GAS2L3: variants seen among roughly 807,000 people sequenced by gnomAD.
The protein encoded by GAS2L3 is GAS2-like protein 3.
Under a neutral mutation model 37.0 loss-of-function variants are expected in GAS2L3, and 28 were observed. That is an observed-to-expected ratio of 0.76 (90% CI 0.56 to 1.04). The LOEUF (loss-of-function observed/expected upper bound fraction) is 1.04, where lower values mean the gene tolerates loss of function less well. Ranked by LOEUF, GAS2L3 falls within the 50% of genes least tolerant of loss-of-function variation. The probability of loss-of-function intolerance (pLI) is 0.00; values close to 1 mark genes in which losing one functional copy is unlikely to be tolerated. For missense variants in GAS2L3, 793 were observed against 817.6 expected (o/e 0.97, Z 0.37); for synonymous variants, 290 against 296.6 (o/e 0.98, Z 0.23).
chr12:100,603,247 A>AT (rs1342928857), intron 5 of GAS2L3, among the ~76,000 whole-genome samples: 1 of 152,170 alleles, frequency 6.6e-6, no homozygotes, highest in East Asian at 1.9e-4. Flanking sequence ...GTAATAATTT[A>AT]TATTACCACC....
At chr12:100,576,917 G>T (rs1483723516) in intron 1 of GAS2L3, among the ~76,000 whole-genome samples, 2 of 152,174 alleles carry the variant, frequency 1.3e-5, no homozygotes, top group Admixed American at 1.3e-4. Flanking sequence ...TCATGTGCTG[G>T]ATATTGCTGA....
chr12:100,615,629 C>CT (rs959085412), intron 6 of GAS2L3, among the ~76,000 whole-genome samples: 2 of 151,816 alleles, frequency 1.3e-5, no homozygotes, highest in African/African-American at 4.8e-5. Flanking sequence ...GTGCCTCTTA[C>CT]TTTTAGGTCA....
At chr12:100,589,337 TGC>T (rs1170406485) in intron 1 of GAS2L3, among the ~76,000 whole-genome samples, 1 of 132,702 alleles carries the variant, frequency 7.5e-6, no homozygotes, top group East Asian at 3.2e-4. Context: ...TTATAATAGC[TGC>T]AAAAAAAAAA....
rs1395244134 is a variant in GAS2L3 at position 100,573,699 on chromosome 12, C to T, written c.-238C>T. On this transcript the variant is annotated 5_prime_UTR_variant, in exon 1 of 10. Transcript: ENST00000547754. Reference sequence around the variant, plus strand: ...CCTGAGGCCCAGGCGGCGGCGGCAGCGGCGGCGGTTGGTCAGGGGCGTGTT... The same window carrying T: ...CCTGAGGCCCAGGCGGCGGCGGCAGTGGCGGCGGTTGGTCAGGGGCGTGTT... 1 of 159,096 alleles carries T rather than the reference C, an allele frequency of 6.3e-6. No homozygotes were observed. Among genetic ancestry groups the T allele is most frequent in the Non-Finnish European group, 1.4e-5 (1 of 73,086 alleles). 9.9% of individuals were successfully genotyped at this position (159,096 alleles called of 1,614,324 possible).
At chr12:100,595,520 T>A (rs772970664) in intron 3 of GAS2L3, among the ~76,000 whole-genome samples, 4 of 151,924 alleles carry the variant, frequency 2.6e-5, no homozygotes, top group Non-Finnish European at 4.4e-5. Context: ...TCTTATTTTT[T>A]AAGTTTTCTT....
intron 5 of GAS2L3, among the ~76,000 whole-genome samples, chr12:100,608,151 G>C (rs1430514609): frequency 1.3e-5 from 2 of 152,156 alleles, no homozygotes; most frequent in East Asian, 3.9e-4. Context: ...TCTTGGATAA[G>C]GTCTGGAAGA....
rs533774039 is a variant in GAS2L3, at chr12:100,574,496, A to C, written c.-152+711A>C. The stretch of plus-strand genomic sequence containing the variant: ...AGGGAAGGCTTGTAGAGTGCCTTGG[A>C]AGTCAGAGGAAAGTTTTGGAGGGCG... On this transcript the variant is annotated intron_variant, in intron 1 of 9. Transcript: ENST00000547754. Among the ~76,000 whole-genome samples the C allele has an allele frequency of 1.1e-4, 17 of 152,208 alleles. No individual in the cohort carries two copies. The East Asian group carries it at 2.9e-3, about 26-fold the overall frequency.
chr12:100,588,110 T>C (rs1565799170), intron 1 of GAS2L3, among the ~76,000 whole-genome samples: 1 of 152,164 alleles, frequency 6.6e-6, no homozygotes, highest in Non-Finnish European at 1.5e-5. Context: ...GAAGTCTAAC[T>C]ATTACTGATT....
intron 8 of GAS2L3, among the ~76,000 whole-genome samples, chr12:100,620,168 A>G (rs1956236507): frequency 6.6e-6 from 1 of 152,024 alleles, no homozygotes; most frequent in South Asian, 2.1e-4. Flanking sequence ...AGGACTTAGA[A>G]TGGTGAAAAA....
At chr12:100,622,002 T>C (rs1261638142) in intron 8 of GAS2L3, among the ~76,000 whole-genome samples, 2 of 152,016 alleles carry the variant, frequency 1.3e-5, no homozygotes, top group African/African-American at 4.8e-5. Flanking sequence ...TTACTAGCTG[T>C]ATGATCTCAG....
At position 100,600,552 on chromosome 12, in the gene GAS2L3, T is replaced by A; in HGVS notation, c.187+2T>A. The A allele has an allele frequency of 6.2e-7, 1 of 1,611,834 alleles. No homozygotes were observed. The highest frequency in any genetic ancestry group is 8.5e-7 in the Non-Finnish European group (1 of 1,178,464). On this transcript the variant is annotated splice_donor_variant, in intron 4 of 9. Transcript: ENST00000547754. LOFTEE classifies it high-confidence loss of function. ...CAATCTGGTTATCTGGTTTATTAGG[T>A]GAGGCTTGAAACAATACCCAAAATT...
Position 100,624,675 on chromosome 12 carries a change from A to G in GAS2L3, c.1870A>G (p.Lys624Glu), listed in dbSNP as rs748740278. The change falls in exon 10 of 10, where the codon AAA becomes GAA. Residue 624 changes from lysine to glutamate, a missense_variant. Transcript: ENST00000547754. ...SIVSLPQSST[K>E]TQTAPKSAQT... ...CGTGAGCCTACCCCAGTCTTCTACC[A>G]AAACACAAACTGCACCGAAGTCAGC... 1.2e-6 allele frequency: 2 copies of G among 1,614,038 alleles called. No individual in the cohort carries two copies. Among genetic ancestry groups the G allele is most frequent in the East Asian group, 4.5e-5 (2 of 44,882 alleles).
intron 6 of GAS2L3, among the ~76,000 whole-genome samples, chr12:100,615,046 A>G (rs1471178020): frequency 6.6e-6 from 1 of 152,190 alleles, no homozygotes; most frequent in Admixed American, 6.5e-5. Flanking sequence ...TGGAATTTCT[A>G]GGTCATATGG....
chr12:100,594,927 G>GT lies in GAS2L3; in HGVS notation c.18+12dup, dbSNP rs761573279. 6 of 1,331,514 alleles carry GT rather than the reference G, an allele frequency of 4.5e-6. No homozygotes were observed. Among genetic ancestry groups the GT allele is most frequent in the African/African-American group, 1.5e-5 (1 of 66,478 alleles). 82.5% of individuals were successfully genotyped at this position (1,331,514 alleles called of 1,614,324 possible). A position where few individuals can be genotyped will look rare whatever the true frequency, so the allele number is the denominator to read the frequency against. Reference sequence around the variant, plus strand: ...ACTATGCAGCCTGCAATTCAAGTAAGTTTTTTTCTTGGAAACAATATTTAA... The same window carrying GT: ...ACTATGCAGCCTGCAATTCAAGTAAGTTTTTTTTCTTGGAAACAATATTTAA... On this transcript the variant is annotated splice_donor_region_variant and intron_variant, in intron 3 of 9. Coordinates refer to ENST00000547754, the MANE Select transcript of GAS2L3 (RefSeq NM_174942.3).
intron 1 of GAS2L3, among the ~76,000 whole-genome samples, chr12:100,590,971 A>G (rs893711679): frequency 9.2e-5 from 14 of 152,094 alleles, no homozygotes. Flanking sequence ...GACTACAAAT[A>G]TGGTGCAGTG....
chr12:100,622,421 T>C, intron 9 of GAS2L3, 39 bp downstream of exon 9: 1 of 1,013,932 alleles, frequency 9.9e-7, no homozygotes, highest in South Asian at 1.4e-5. Context: ...ACATAAATAC[T>C]GTTTTGAAAT....
intron 1 of GAS2L3, among the ~76,000 whole-genome samples, chr12:100,582,102 G>A (rs138666134): frequency 0.016 from 2,507 of 152,298 alleles, 36 homozygotes; most frequent in South Asian, 0.029. Context: ...GGGTGCAGGT[G>A]GACTGAGTCT....
chr12:100,594,712 G>A (rs1955888442), intron 2 of GAS2L3, 163 bp from the exon 3 acceptor site: 1 of 340,852 alleles, frequency 2.9e-6, no homozygotes, highest in Non-Finnish European at 5.6e-6. Context: ...GAAGTAAAAA[G>A]GAGTGATATG....
chr12:100,608,934 C>A (rs748751933), intron 5 of GAS2L3, among the ~76,000 whole-genome samples: 10 of 152,220 alleles, frequency 6.6e-5, no homozygotes, highest in Non-Finnish European at 1.5e-4. Context: ...AGAAGCCTCT[C>A]CCTGTGGCTA....
Sources: allele counts gnomAD v4.1 joint callset (sites outside exome capture counted in the v4.1 genomes callset), GRCh38; gene constraint gnomAD v4.1.1; transcripts MANE v1.5; gene names NCBI Gene and HGNC (gene_info 2026-07-23, HGNC 2026-07-21).